Variants in TECPR1 observed in about 807,000 individuals in gnomAD.
The protein encoded by TECPR1 is tectonin beta-propeller repeat containing 1.
TECPR1 carries 122 observed loss-of-function variants against 162.4 expected under a neutral mutation model. The observed-to-expected ratio is 0.75, with a 90% confidence interval of 0.65 to 0.87. The LOEUF (loss-of-function observed/expected upper bound fraction) is 0.87. TECPR1 is among the 40% of genes least tolerant of loss of function. The pLI, the probability that TECPR1 is intolerant of heterozygous loss-of-function variation, is 0.00. For missense variants in TECPR1, 1,432 were observed against 1,618.2 expected, an observed-to-expected ratio of 0.88 and a Z score of 1.97; for synonymous variants, 642 against 670.6, an observed-to-expected ratio of 0.96 and a Z score of 0.66.
rs2116630893 is a variant in TECPR1 at position 98,246,025 on chromosome 7, G to A, written c.122C>T (p.Thr41Ile). The A allele has an allele frequency of 1.3e-6, 2 of 1,597,444 alleles. No homozygotes were observed. Among genetic ancestry groups the A allele is most frequent in the Non-Finnish European group, 1.7e-6 (2 of 1,172,636 alleles). ...SQLEFKRVSA[T>I]TQCCWGIACD... ...GGCAATGCCCCAGCAGCACTGCGTG[G>A]TGGCGCTGACGCGCTTGAACTCCAG... Residue 41 changes from threonine to isoleucine, a missense_variant, in exon 3 of 26, where the codon ACC (threonine) becomes ATC (isoleucine). Transcript: ENST00000447648.
intron 1 of TECPR1, chr7:98,251,840 C>G (rs977277983): frequency 1.3e-5 from 2 of 152,292 alleles, no homozygotes; most frequent in Non-Finnish European, 2.9e-5. Flanking sequence ...CGAAAACAAC[C>G]AGGATCCCGC....
chr7:98,233,412 A>G lies in TECPR1; in HGVS notation c.1672+9T>C. The G allele has an allele frequency of 7.0e-7, 1 of 1,430,970 alleles. No individual in the cohort carries two copies. The highest frequency in any genetic ancestry group is 9.2e-7 in the Non-Finnish European group (1 of 1,089,986). The allele number at this position is 1,430,970 out of a possible 1,614,324, so 88.6% of individuals were successfully genotyped here. ...TGTGGATGCCCCCAGGCCCTGCAGG[A>G]GCCCTTACCCGCCTGGACAGTGAAC... On this transcript the variant is annotated intron_variant, in intron 11 of 25. Coordinates refer to ENST00000447648, the MANE Select transcript of TECPR1 (RefSeq NM_015395.3).
chr7:98,243,373 T>A, intron 6 of TECPR1, 94 bp downstream of exon 6: 1 of 1,508,874 alleles, frequency 6.6e-7, no homozygotes, highest in Non-Finnish European at 8.9e-7. Context: ...GGGCCGGGGC[T>A]CCGGGGAGGA....
intron 17 of TECPR1, chr7:98,226,611 G>A (rs1798284703): frequency 9.6e-7 from 1 of 1,046,878 alleles, no homozygotes; most frequent in South Asian, 2.8e-5. Flanking sequence ...ATTACTAAGT[G>A]TTTATTTCGT....
At chr7:98,247,412 AT>A (rs1369555748) in intron 2 of TECPR1, among the ~76,000 whole-genome samples, 4 of 152,058 alleles carry the variant, frequency 2.6e-5, no homozygotes, top group African/African-American at 7.2e-5. Context: ...AACTGCTAGG[AT>A]TACAGCCTTG....
chr7:98,231,183 C>CT (rs1193955803), intron 14 of TECPR1, 41 bp downstream of exon 14: 1 of 1,608,728 alleles, frequency 6.2e-7, no homozygotes, highest in Non-Finnish European at 8.5e-7. Context: ...CCCACCATGG[C>CT]TATCCCTCCC....
Position 98,217,385 on chromosome 7 carries a change from G to A in TECPR1, c.*5C>T, listed in dbSNP as rs764533827. ...CGTCCCTGCATGTAGGTGTGTGGGG[G>A]GGCCTCAGCAGCAGACGGGGCCATG... On this transcript the variant is annotated 3_prime_UTR_variant, in exon 26 of 26. Transcript: ENST00000447648. 6.1e-5 allele frequency: 94 copies of A among 1,542,770 alleles called. No homozygotes were observed. Among genetic ancestry groups the A allele is most frequent in the Non-Finnish European group, 7.5e-5 (85 of 1,134,272 alleles).
At chr7:98,242,908 C>T (rs111219417) in intron 6 of TECPR1, among the ~76,000 whole-genome samples, 678 of 11,678 alleles carry the variant, frequency 0.058, no homozygotes, top group East Asian at 0.16. Context: ...ACCCACTCAC[C>T]CACCCATCCA....
chr7:98,235,710 A>C (rs1490161362), intron 10 of TECPR1, among the ~76,000 whole-genome samples: 1 of 150,020 alleles, frequency 6.7e-6, no homozygotes, highest in African/African-American at 2.5e-5. Flanking sequence ...AACATCTGTA[A>C]TCCCAGCTAC....
chr7:98,244,395 G>A (rs1301479505), intron 5 of TECPR1, among the ~76,000 whole-genome samples, 176 bp downstream of exon 5: 1 of 152,214 alleles, frequency 6.6e-6, no homozygotes, highest in East Asian at 1.9e-4. Flanking sequence ...TATCTCCCAA[G>A]TGAAGGGACA....
At position 98,224,921 on chromosome 7, in the gene TECPR1, C is replaced by T. The variant is rs189881169; in HGVS notation, c.2611-41G>A. 1.0e-5 allele frequency: 16 copies of T among 1,550,158 alleles called. No individual in the cohort carries two copies. In the African/African-American group the frequency reaches 2.2e-4, roughly 21 times the overall value. Reference sequence around the variant, plus strand: ...CAGTGAGGATGGGACCCCCCGAATCCAGAAGGCAGTCAGAACACTCGAGGA... The same window carrying T: ...CAGTGAGGATGGGACCCCCCGAATCTAGAAGGCAGTCAGAACACTCGAGGA... On this transcript the variant is annotated intron_variant, in intron 18 of 25. Coordinates refer to ENST00000447648, the MANE Select transcript of TECPR1 (RefSeq NM_015395.3).
At chr7:98,228,830 C>A (rs919408623) in intron 16 of TECPR1, 10 of 612,004 alleles carry the variant, frequency 1.6e-5, no homozygotes, top group Non-Finnish European at 2.4e-5. Flanking sequence ...CGCTGCCTCT[C>A]TGGAACCTTC....
chr7:98,236,958 G>T, intron 9 of TECPR1, 37 bp from the exon 10 acceptor site: 1 of 1,493,758 alleles, frequency 6.7e-7, no homozygotes, highest in Non-Finnish European at 9.0e-7. Flanking sequence ...GAATCTGGGC[G>T]CAGGCCCGGG....
At chr7:98,221,415 G>A (rs1002053790) in intron 23 of TECPR1, among the ~76,000 whole-genome samples, 4 of 152,092 alleles carry the variant, frequency 2.6e-5, no homozygotes, top group African/African-American at 9.7e-5. Flanking sequence ...ATGCATGCAT[G>A]CCTGTATCAA....
chr7:98,224,986 A>AG lies in TECPR1; in HGVS notation c.2610+19dup. 2 of 1,543,432 alleles carry AG rather than the reference A, an allele frequency of 1.3e-6. No individual in the cohort carries two copies. Among genetic ancestry groups the AG allele is most frequent in the South Asian group, 1.2e-5 (1 of 83,502 alleles). ...TGGGAGGGCGGATTCCCAACCCCCC[A>AG]GGGGGCAGCGGGACCTCACCCAGGC... On this transcript the variant is annotated intron_variant, in intron 18 of 25. Transcript: ENST00000447648.
intron 10 of TECPR1, among the ~76,000 whole-genome samples, chr7:98,234,247 G>A (rs1372956037): frequency 1.3e-5 from 2 of 152,224 alleles, no homozygotes; most frequent in Non-Finnish European, 2.9e-5. Flanking sequence ...CCGCCTCCCA[G>A]GTTCAAGCGA....
intron 5 of TECPR1, 116 bp from the exon 6 acceptor site, chr7:98,243,708 G>T: frequency 1.5e-6 from 2 of 1,350,944 alleles, no homozygotes; most frequent in Non-Finnish European, 2.0e-6. Context: ...GCCTGCAGCT[G>T]CCTTAATTCA....
chr7:98,222,349 G>A, intron 22 of TECPR1, 37 bp downstream of exon 22: 1 of 1,595,388 alleles, frequency 6.3e-7, no homozygotes, highest in Non-Finnish European at 8.5e-7. Flanking sequence ...TGGACGGAAG[G>A]TGAACACTGC....
intron 8 of TECPR1, 63 bp downstream of exon 8, chr7:98,240,788 A>G: frequency 7.3e-7 from 1 of 1,362,228 alleles, no homozygotes; most frequent in Non-Finnish European, 1.0e-6. Context: ...TGGTGTGATC[A>G]CAGCTCACTG....
Sources: gnomAD v4.1 joint callset for allele counts (sites outside exome capture counted in the v4.1 genomes callset) on GRCh38, gnomAD v4.1.1 for gene constraint, MANE v1.5 for transcripts, NCBI Gene and HGNC (gene_info 2026-07-23, HGNC 2026-07-21) for gene names.